NEK11: variants seen among roughly 807,000 people sequenced by gnomAD.
The protein encoded by NEK11 is NIMA related kinase 11, also known as serine/threonine-protein kinase Nek11.
In NEK11, 72 loss-of-function variants were observed where a neutral mutation model predicts 80.7. The observed-to-expected ratio is 0.89, with a 90% CI of 0.74 to 1.08. NEK11 has a LOEUF of 1.08. Ranked by LOEUF, NEK11 falls within the 50% of genes least tolerant of loss-of-function variation. The pLI is 0.00. For synonymous variants in NEK11, 251 were observed against 260.7 expected (o/e 0.96, Z 0.36); for missense variants, 764 against 763.6 (o/e 1.00, Z -0.01).
At chr3:131,313,648 A>G (rs1009579622) in intron 17 of NEK11, among the ~76,000 whole-genome samples, 3 of 152,152 alleles carry the variant, frequency 2.0e-5, no homozygotes, top group African/African-American at 7.2e-5. Context: ...GGAAGTTTTC[A>G]CTATGTTATA....
intron 17 of NEK11, among the ~76,000 whole-genome samples, chr3:131,335,818 T>C (rs1353242822): frequency 5.9e-5 from 9 of 152,046 alleles, no homozygotes; most frequent in Non-Finnish European, 1.0e-4. Context: ...TTCTTATACA[T>C]CAATAACAGA....
chr3:131,347,918 C>CA (rs112173406), intron 17 of NEK11, among the ~76,000 whole-genome samples: 12,127 of 138,406 alleles, frequency 0.088, 735 homozygotes, highest in East Asian at 0.22. Flanking sequence ...ACTTCATCTC[C>CA]AAAAAAAAAA....
At chr3:131,181,313 A>G (rs897993950) in intron 14 of NEK11, among the ~76,000 whole-genome samples, 1 of 152,226 alleles carries the variant, frequency 6.6e-6, no homozygotes, top group Non-Finnish European at 1.5e-5. Flanking sequence ...CAAGGAAAGC[A>G]GGTGACCTTT....
intron 14 of NEK11, among the ~76,000 whole-genome samples, chr3:131,176,705 CA>C (rs1456964312): frequency 6.6e-6 from 1 of 152,170 alleles, no homozygotes; most frequent in Non-Finnish European, 1.5e-5. Flanking sequence ...GCCACTTTGA[CA>C]TGGCATCCTA....
intron 14 of NEK11, among the ~76,000 whole-genome samples, chr3:131,217,823 C>T (rs73870804): frequency 0.012 from 1,767 of 152,220 alleles, 47 homozygotes; most frequent in African/African-American, 0.039. Flanking sequence ...ATTATAAAAG[C>T]GAATCTTTCT....
intron 17 of NEK11, among the ~76,000 whole-genome samples, chr3:131,277,102 T>G (rs7612695): frequency 0.19 from 29,227 of 152,152 alleles, 5,267 homozygotes; most frequent in African/African-American, 0.47. Flanking sequence ...GAAATATTGT[T>G]TGTCCTGAAC....
At chr3:131,047,873 A>G (rs1386360748) in intron 3 of NEK11, among the ~76,000 whole-genome samples, 1 of 152,176 alleles carries the variant, frequency 6.6e-6, no homozygotes, top group East Asian at 1.9e-4. Flanking sequence ...CAGCTACCAG[A>G]GCAGGTAGAG....
chr3:131,062,624 G>T (rs2071092353), intron 3 of NEK11, among the ~76,000 whole-genome samples: 1 of 152,190 alleles, frequency 6.6e-6, no homozygotes, highest in Non-Finnish European at 1.5e-5. Context: ...ATGCTTCTGT[G>T]ACTATAGGTA....
At chr3:131,168,771 C>A in intron 12 of NEK11, 59 bp from the exon 13 acceptor site, 1 of 1,255,268 alleles carries the variant, frequency 8.0e-7, no homozygotes, top group Non-Finnish European at 1.1e-6. Flanking sequence ...CACTTCACCT[C>A]TAGATGAAGA....
intron 17 of NEK11, among the ~76,000 whole-genome samples, chr3:131,344,145 T>G (rs975743177): frequency 6.6e-6 from 1 of 152,178 alleles, no homozygotes; most frequent in Non-Finnish European, 1.5e-5. Context: ...TGGACATAGG[T>G]TGTTAGAAGC....
At chr3:131,055,006 C>G (rs544285204) in intron 3 of NEK11, among the ~76,000 whole-genome samples, 69 of 152,218 alleles carry the variant, frequency 4.5e-4, no homozygotes, top group Non-Finnish European at 8.2e-4. Context: ...AGCAGAAGGA[C>G]TAGCCTCAGG....
chr3:131,287,238 TTTA>T (rs1361734287), intron 17 of NEK11, among the ~76,000 whole-genome samples: 1 of 152,242 alleles, frequency 6.6e-6, no homozygotes, highest in African/African-American at 2.4e-5. Flanking sequence ...CATGGCCCAC[TTTA>T]TCTGTTTCAA....
chr3:131,107,738 T>C (rs1018582849), intron 4 of NEK11, among the ~76,000 whole-genome samples: 5 of 152,136 alleles, frequency 3.3e-5, no homozygotes, highest in Non-Finnish European at 5.9e-5. Context: ...TATTATAAGC[T>C]TGTAAACTGA....
chr3:131,254,088 T>C (rs940411738), intron 16 of NEK11, among the ~76,000 whole-genome samples: 3 of 152,188 alleles, frequency 2.0e-5, no homozygotes, highest in African/African-American at 7.2e-5. Context: ...TTGCGTTCTT[T>C]GGAGTTTTAA....
chr3:131,304,305 G>T (rs190992277), intron 17 of NEK11, among the ~76,000 whole-genome samples: 16 of 152,252 alleles, frequency 1.1e-4, no homozygotes, highest in Non-Finnish European at 1.5e-5. Context: ...TTCAGTTCCT[G>T]TATTGTTTTA....
At chr3:131,033,619 TACTTA>T (rs2065203149) in intron 3 of NEK11, among the ~76,000 whole-genome samples, 1 of 152,206 alleles carries the variant, frequency 6.6e-6, no homozygotes, top group Non-Finnish European at 1.5e-5. Context: ...ATGTACATAG[TACTTA>T]ACTTTTCCGT....
chr3:131,238,036 C>T (rs1457820727), intron 15 of NEK11, among the ~76,000 whole-genome samples: 20 of 152,158 alleles, frequency 1.3e-4, no homozygotes, highest in Admixed American at 1.3e-3. Context: ...GAATTGTCCT[C>T]ACTCACTCCA....
At chr3:131,146,571 G>A (rs758519017) in intron 7 of NEK11, among the ~76,000 whole-genome samples, 2 of 152,098 alleles carry the variant, frequency 1.3e-5, no homozygotes, top group Non-Finnish European at 2.9e-5. Context: ...GTATATTGTG[G>A]CAATTCATAA....
chr3:131,130,677 TTTC>T lies in NEK11; in HGVS notation c.456-2062_456-2060del, dbSNP rs202156464. ...CATCTATTGATTTTTTCATGTGATT[TTTC>T]TTCTTTATTCTGTTGATGTGATGGA... is the stretch of plus-strand genomic sequence containing the variant. On this transcript the variant is annotated intron_variant, in intron 5 of 17. Transcript: ENST00000383366. 8.1e-3 allele frequency among the ~76,000 whole-genome samples: 1,231 copies of T among 152,312 alleles called. 20 individuals carry two copies. The highest frequency in any genetic ancestry group is 0.028 in the African/African-American group (1,164 of 41,556).
Sources: allele counts gnomAD v4.1 joint callset (sites outside exome capture counted in the v4.1 genomes callset), GRCh38; gene constraint gnomAD v4.1.1; transcripts MANE v1.5; gene names NCBI Gene and HGNC (gene_info 2026-07-23, HGNC 2026-07-21).